CACNA1G: variants seen among roughly 807,000 people sequenced by gnomAD.
CACNA1G encodes the protein calcium voltage-gated channel subunit alpha1 G, also known as voltage-dependent T-type calcium channel subunit alpha-1G.
In CACNA1G, 67 loss-of-function variants were observed where a neutral mutation model predicts 219.4. The observed-to-expected ratio is 0.31, with a 90% CI of 0.25 to 0.37. The LOEUF (loss-of-function observed/expected upper bound fraction) is 0.37. CACNA1G is among the 10% of genes least tolerant of loss of function. The pLI, the probability that CACNA1G is intolerant of heterozygous loss-of-function variation, is 1.00. For synonymous variants in CACNA1G, 1,296 were observed against 1,345.3 expected, an observed-to-expected ratio of 0.96 and a Z score of 0.80; for missense variants, 2,380 against 3,231.4, an observed-to-expected ratio of 0.74 and a Z score of 6.39.
rs61453167 is a variant in CACNA1G, at chr17:50,578,332, G to A, written c.2069G>A (p.Ser690Asn). ...LADREMPDSD[S>N]EAVYEFTQDA... ...GACCGTGAAATGCCTGACTCAGACA[G>A]CGAGGCAGTTTATGAGTTCACACAG... is the stretch of plus-strand genomic sequence containing the variant. Residue 690 changes from serine (S) to asparagine (N), a missense_variant, in exon 9 of 38, where the codon AGC becomes AAC. Around this residue, in one of 17 missense-constraint regions of CACNA1G, gnomAD observed 434 missense variants for 417.3 expected, o/e 1.04. Transcript: ENST00000359106. The surrounding 1 kb of genome is among the most constrained non-coding windows in gnomAD (Gnocchi z 4.5). 237 of 1,613,308 alleles carry A rather than the reference G, an allele frequency of 1.5e-4. No homozygotes were observed. The African/African-American group carries it at 2.7e-3, about 19-fold the overall frequency.
intron 22 of CACNA1G, 106 bp from the exon 23 acceptor site, chr17:50,605,792 C>T: frequency 8.0e-7 from 1 of 1,247,074 alleles, no homozygotes; most frequent in Non-Finnish European, 1.1e-6. Flanking sequence ...GAGCACCCCA[C>T]ACTCACTCAA....
chr17:50,614,919 G>A (rs935167606), intron 26 of CACNA1G, among the ~76,000 whole-genome samples: 8 of 152,314 alleles, frequency 5.3e-5, no homozygotes, highest in South Asian at 2.1e-4. Flanking sequence ...CTGCTCCCCC[G>A]AGGGGCTGAG....
rs749076098 is a variant in CACNA1G, at chr17:50,627,277, G to C, written c.*526G>C. 2.4e-5 allele frequency: 11 copies of C among 452,238 alleles called. No individual in the cohort carries two copies. Among genetic ancestry groups the C allele is most frequent in the Non-Finnish European group, 4.0e-5 (9 of 226,006 alleles). 28.0% of individuals were successfully genotyped at this position (452,238 alleles called of 1,614,324 possible). ...CCAACGGTGGCCCATCTTCAGCGGA[G>C]AGCGAGAACCATTTTGGAAACTGTA... On this transcript the variant is annotated 3_prime_UTR_variant, in exon 38 of 38. Transcript: ENST00000359106.
Position 50,576,336 on chromosome 17 carries a change from CTGGGTGGAGGCATG to C in CACNA1G, c.1924+17_1924+30del. On this transcript the variant is annotated intron_variant, in intron 8 of 37. Coordinates refer to ENST00000359106, the MANE Select transcript of CACNA1G (RefSeq NM_018896.5). ...GAGACACAGAGTACAGGTGAGAACT[CTGGGTGGAGGCATG>C]TGGGTGCCCTCGTCTGGGGACTGGG... The C allele has an allele frequency of 6.4e-7, 1 of 1,563,174 alleles. No homozygotes were observed. Among genetic ancestry groups the C allele is most frequent in the Non-Finnish European group, 8.7e-7 (1 of 1,153,900 alleles).
At chr17:50,568,705 G>T (rs1250376580) in intron 1 of CACNA1G, among the ~76,000 whole-genome samples, 165 bp from the exon 2 acceptor site, 15 of 152,316 alleles carry the variant, frequency 9.8e-5, no homozygotes, top group African/African-American at 3.6e-4. Context: ...CTCTGATGAG[G>T]AGTCTGGGGC....
chr17:50,622,811 A>T (rs529249537), intron 35 of CACNA1G, among the ~76,000 whole-genome samples: 5 of 152,290 alleles, frequency 3.3e-5, no homozygotes, highest in Admixed American at 1.3e-4. Context: ...CTGTCCACTA[A>T]GGGAGCAGCT....
Position 50,618,150 on chromosome 17 carries a change from G to A in CACNA1G, c.5305+24G>A. The A allele has an allele frequency of 1.2e-6, 2 of 1,613,466 alleles. No homozygotes were observed. Among genetic ancestry groups the A allele is most frequent in the Non-Finnish European group, 8.5e-7 (1 of 1,179,600 alleles). On this transcript the variant is annotated intron_variant, in intron 31 of 37. Transcript: ENST00000359106. This position sits in a 1 kb window ranked among gnomAD's most constrained non-coding sequence, Gnocchi z 5.3. ...GGGTGAGTTGGGGTAGGGGAGGGTG[G>A]AGGAGCCAGGGCTGGAGACCAGGGG...
chr17:50,579,501 G>A (rs9912241), intron 9 of CACNA1G, among the ~76,000 whole-genome samples: 4,357 of 152,194 alleles, frequency 0.029, 218 homozygotes, highest in African/African-American at 0.099. Flanking sequence ...TCTTCCACAG[G>A]GTTCTTTCCA....
chr17:50,602,701 G>A (rs2046994943), intron 19 of CACNA1G, 119 bp from the exon 20 acceptor site: 2 of 798,514 alleles, frequency 2.5e-6, no homozygotes, highest in Admixed American at 2.0e-5. Context: ...GTTGTGGAGG[G>A]TGGGGGTCGT....
chr17:50,625,410 A>G (rs1347388133), intron 37 of CACNA1G, among the ~76,000 whole-genome samples: 5 of 152,234 alleles, frequency 3.3e-5, no homozygotes, highest in Admixed American at 2.6e-4. Context: ...TGTGCCAGGC[A>G]CTGGCGACAC....
rs113983760 is a variant in CACNA1G, at chr17:50,581,982, C to T, written c.2301+3418C>T. Among the ~76,000 whole-genome samples, 808 of 152,280 alleles carry T rather than the reference C, an allele frequency of 5.3e-3. 4 individuals are homozygous for T. Among genetic ancestry groups the T allele is most frequent in the African/African-American group, 0.018 (742 of 41,516 alleles). On this transcript the variant is annotated intron_variant, in intron 9 of 37. Coordinates refer to ENST00000359106, the MANE Select transcript of CACNA1G (RefSeq NM_018896.5). ...CATGGTGTAAATGCTCCCACCATAG[C>T]TGGTTTTAAGCTACCAACACGATTC...
rs775856134 is a variant in CACNA1G, at chr17:50,608,020, G to A, written c.4705+1G>A. Reference sequence around the variant, plus strand: ...CGAAGACTGGAGAAAAAGAGAAGGAGTAAGGAGAAGCAGATGGCTGGTCGG... The same window carrying A: ...CGAAGACTGGAGAAAAAGAGAAGGAATAAGGAGAAGCAGATGGCTGGTCGG... On this transcript the variant is annotated splice_donor_variant, in intron 25 of 37. Coordinates refer to ENST00000359106, the MANE Select transcript of CACNA1G (RefSeq NM_018896.5). LOFTEE classifies it high-confidence loss of function. The A allele has an allele frequency of 2.5e-6, 4 of 1,603,066 alleles. No homozygotes were observed. The highest frequency in any genetic ancestry group is 3.4e-6 in the Non-Finnish European group (4 of 1,174,750).
At chr17:50,577,974 G>A (rs911170364) in intron 8 of CACNA1G, among the ~76,000 whole-genome samples, 9 of 152,152 alleles carry the variant, frequency 5.9e-5, no homozygotes, top group African/African-American at 2.4e-5. Flanking sequence ...ACACTCAGCA[G>A]TGACTGTCAA....
In CACNA1G at chr17:50,590,934, G is replaced by A. The variant is rs114204352; in HGVS notation, c.2453+312G>A. On this transcript the variant is annotated intron_variant, in intron 10 of 37. Coordinates refer to ENST00000359106, the MANE Select transcript of CACNA1G (RefSeq NM_018896.5). ...CCACCCAGGCCTGGGATGGGCGAGGGTGAGATTGGCTTTAGAGGAGTTGGA... is the reference window on the plus strand; with the variant it reads ...CCACCCAGGCCTGGGATGGGCGAGGATGAGATTGGCTTTAGAGGAGTTGGA... Among the ~76,000 whole-genome samples, 544 of 152,216 alleles carry A rather than the reference G, an allele frequency of 3.6e-3. 3 individuals carry two copies. The highest frequency in any genetic ancestry group is 0.013 in the African/African-American group (522 of 41,528).
At chr17:50,615,041 T>C (rs1567747129) in intron 26 of CACNA1G, among the ~76,000 whole-genome samples, 1 of 151,882 alleles carries the variant, frequency 6.6e-6, no homozygotes, top group Non-Finnish European at 1.5e-5. Flanking sequence ...GAACACTGAG[T>C]CGAGGGTGTT....
chr17:50,570,707 A>G (rs2039234712), intron 4 of CACNA1G, among the ~76,000 whole-genome samples: 1 of 152,146 alleles, frequency 6.6e-6, no homozygotes, highest in South Asian at 2.1e-4. Context: ...CTCCCGCCCC[A>G]GGTGATGGCT....
chr17:50,615,800 G>C (rs918892988), intron 27 of CACNA1G, among the ~76,000 whole-genome samples: 1 of 152,224 alleles, frequency 6.6e-6, no homozygotes, highest in Non-Finnish European at 1.5e-5. Flanking sequence ...CTGCGCTCTG[G>C]ATCTTTGAGG....
chr17:50,565,449 C>T (rs1322442869), intron 1 of CACNA1G, among the ~76,000 whole-genome samples: 2 of 152,088 alleles, frequency 1.3e-5, no homozygotes, highest in African/African-American at 4.8e-5. Context: ...CCCTACATCC[C>T]ATGTTACCCT....
chr17:50,600,590 A>T lies in CACNA1G; in HGVS notation c.3691-136A>T. The T allele has an allele frequency of 1.4e-6, 1 of 705,850 alleles. No individual in the cohort carries two copies. Among genetic ancestry groups the T allele is most frequent in the Non-Finnish European group, 2.5e-6 (1 of 401,048 alleles). The allele number at this position is 705,850 out of a possible 1,614,324, so 43.7% of individuals were successfully genotyped here. A position where few individuals can be genotyped will look rare whatever the true frequency, so the allele number is the denominator to read the frequency against. The stretch of plus-strand genomic sequence containing the variant: ...GAGGAGGTGGCTTTAGGAATAAAGG[A>T]AGAGAGGCAGGGCAGAGCTTGGGCC... On this transcript the variant is annotated intron_variant, in intron 17 of 37. Transcript: ENST00000359106. This position sits in a 1 kb window ranked among gnomAD's most constrained non-coding sequence, Gnocchi z 4.1.
Sources: allele counts gnomAD v4.1 joint callset (sites outside exome capture counted in the v4.1 genomes callset), GRCh38; gene constraint gnomAD v4.1.1; regional missense constraint gnomAD v4.1.1; non-coding constraint Gnocchi (gnomAD v3.1); transcripts MANE v1.5; gene names NCBI Gene and HGNC (gene_info 2026-07-23, HGNC 2026-07-21).